The following PARD3B variants were observed in gnomAD, a reference collection of about 807,000 sequenced individuals.
The protein encoded by PARD3B is partitioning defective 3 homolog B.
In PARD3B, 103 loss-of-function variants were observed where a neutral mutation model predicts 130.2. The ratio of observed to expected loss-of-function variants is 0.79; its 90% CI spans 0.67 to 0.93. The LOEUF (loss-of-function observed/expected upper bound fraction) is 0.93. PARD3B is among the 40% of genes least tolerant of loss of function. The probability of loss-of-function intolerance (pLI) is 0.00; values close to 1 mark genes in which losing one functional copy is unlikely to be tolerated. For synonymous variants in PARD3B, 583 were observed against 553.2 expected (o/e 1.05, Z -0.76); for missense variants, 1,609 against 1,499.2 (o/e 1.07, Z -1.21).
intron 2 of PARD3B, among the ~76,000 whole-genome samples, chr2:204,713,733 C>G (rs1441902615): frequency 6.6e-6 from 1 of 152,124 alleles, no homozygotes; most frequent in Non-Finnish European, 1.5e-5. Context: ...TGCCAGGATT[C>G]TCCACCCCCC....
intron 3 of PARD3B, among the ~76,000 whole-genome samples, chr2:204,994,596 C>T (rs1693984344): frequency 6.6e-6 from 1 of 150,828 alleles, no homozygotes; most frequent in African/African-American, 2.4e-5. Context: ...TCTATTAGGT[C>T]CGCTTGGTGC....
chr2:204,997,102 T>G (rs1236534493), intron 3 of PARD3B, among the ~76,000 whole-genome samples: 1 of 152,138 alleles, frequency 6.6e-6, no homozygotes, highest in Non-Finnish European at 1.5e-5. Context: ...TCTTGGCTCC[T>G]CCCCTCCTCA....
chr2:204,860,925 G>C (rs1470780848), intron 2 of PARD3B, among the ~76,000 whole-genome samples: 2 of 152,178 alleles, frequency 1.3e-5, no homozygotes, highest in African/African-American at 4.8e-5. Context: ...ATAATGTACA[G>C]TGAAGTCAGG....
At chr2:205,103,304 CAT>C (rs1163478973) in intron 4 of PARD3B, among the ~76,000 whole-genome samples, 4 of 142,982 alleles carry the variant, frequency 2.8e-5, no homozygotes, top group South Asian at 2.1e-4. Context: ...GTAAAATAAA[CAT>C]ATTTTATATT....
chr2:205,570,508 G>T (rs561741446), intron 22 of PARD3B, among the ~76,000 whole-genome samples: 1 of 152,054 alleles, frequency 6.6e-6, no homozygotes, highest in South Asian at 2.1e-4. Context: ...AATAGTTTTC[G>T]CAAGAAACCT....
intron 4 of PARD3B, among the ~76,000 whole-genome samples, chr2:205,057,772 CGT>C (rs1355221926): frequency 6.7e-6 from 1 of 149,314 alleles, no homozygotes; most frequent in Non-Finnish European, 1.5e-5. Context: ...TATACACACA[CGT>C]GTGTGTGTGT....
At position 205,182,888 on chromosome 2, in the gene PARD3B, CCT is replaced by C. The variant is rs144827835; in HGVS notation, c.1925-2872_1925-2871del. Among the ~76,000 whole-genome samples the C allele has an allele frequency of 2.1e-3, 317 of 152,090 alleles. 2 individuals carry two copies. The highest frequency in any genetic ancestry group is 7.3e-3 in the African/African-American group (304 of 41,486). On this transcript the variant is annotated intron_variant, in intron 13 of 22. Transcript: ENST00000406610. ...GGAAGAGAGAGTGAGGAAGCTGCAC[CCT>C]CTCATAACCACTGAGACTGGGAATG...
intron 2 of PARD3B, among the ~76,000 whole-genome samples, chr2:204,937,895 G>A (rs1319362454): frequency 1.3e-5 from 2 of 152,180 alleles, no homozygotes; most frequent in African/African-American, 2.4e-5. Flanking sequence ...TAACAGGATT[G>A]TCTTCGGGGA....
At position 204,799,235 on chromosome 2, in the gene PARD3B, T is replaced by C. The variant is rs1337877437; in HGVS notation, c.222+112953T>C. Among the ~76,000 whole-genome samples, 1 of 152,144 alleles carries C rather than the reference T, an allele frequency of 6.6e-6. No homozygotes were observed. Among genetic ancestry groups the C allele is most frequent in the African/African-American group, 2.4e-5 (1 of 41,446 alleles). ...GGGAACATCTGCAGTAGCCAGGCAG[T>C]ACTTGCCCTGGGCCTGGGTCGCTGG... is the stretch of plus-strand genomic sequence containing the variant. On this transcript the variant is annotated intron_variant, in intron 2 of 22. Coordinates refer to ENST00000406610, the MANE Select transcript of PARD3B (RefSeq NM_001302769.2). The surrounding 1 kb of genome is among the most constrained non-coding windows in gnomAD (Gnocchi z 4.1).
intron 2 of PARD3B, among the ~76,000 whole-genome samples, chr2:204,805,149 G>GT (rs1332689498): frequency 1.3e-5 from 2 of 152,016 alleles, no homozygotes; most frequent in Non-Finnish European, 2.9e-5. Flanking sequence ...CAAAAAGTTG[G>GT]TTTTTTGAAA....
At chr2:205,068,405 G>T (rs1700518368) in intron 4 of PARD3B, among the ~76,000 whole-genome samples, 1 of 151,708 alleles carries the variant, frequency 6.6e-6, no homozygotes, top group Non-Finnish European at 1.5e-5. Context: ...TTTCTCTTTG[G>T]TTAATCTTAG....
chr2:205,060,768 T>C (rs1559400781), intron 4 of PARD3B, among the ~76,000 whole-genome samples: 1 of 152,190 alleles, frequency 6.6e-6, no homozygotes, highest in Non-Finnish European at 1.5e-5. Context: ...TTTAAATTAA[T>C]ATGCATACAT....
At chr2:205,090,148 C>A (rs976094303) in intron 4 of PARD3B, among the ~76,000 whole-genome samples, 1 of 152,152 alleles carries the variant, frequency 6.6e-6, no homozygotes, top group Non-Finnish European at 1.5e-5. Flanking sequence ...TTCTGTGCAA[C>A]CCTGGGAGTT....
chr2:204,589,251 A>G (rs1025545581), intron 1 of PARD3B, among the ~76,000 whole-genome samples: 47 of 152,156 alleles, frequency 3.1e-4, no homozygotes, highest in African/African-American at 1.1e-3. Flanking sequence ...ATGGGAAGGG[A>G]GGGGACAGTG....
At chr2:204,759,000 C>A (rs1462946440) in intron 2 of PARD3B, among the ~76,000 whole-genome samples, 2 of 152,138 alleles carry the variant, frequency 1.3e-5, no homozygotes, top group African/African-American at 4.8e-5. Context: ...CCTTCTGTGT[C>A]TGTGTCACTT....
At chr2:205,335,236 A>G (rs2043269562) in intron 18 of PARD3B, among the ~76,000 whole-genome samples, 1 of 152,182 alleles carries the variant, frequency 6.6e-6, no homozygotes, top group Non-Finnish European at 1.5e-5. Context: ...TCAATTCCAA[A>G]CAGTTATGCC....
chr2:204,819,645 G>T (rs1355093843), intron 2 of PARD3B, among the ~76,000 whole-genome samples: 1 of 152,092 alleles, frequency 6.6e-6, no homozygotes, highest in African/African-American at 2.4e-5. Flanking sequence ...GCTAAGATAG[G>T]CCCAAAAGCT....
Position 205,121,678 on chromosome 2 carries a change from G to A in PARD3B, c.894G>A (p.Lys298=), listed in dbSNP as rs894868926. Residue 298 remains lysine (K), a synonymous_variant, in exon 8 of 23, where the codon AAG becomes AAA. Coordinates refer to ENST00000406610, the MANE Select transcript of PARD3B (RefSeq NM_001302769.2). The surrounding 1 kb of genome is among the most constrained non-coding windows in gnomAD (Gnocchi z 5.0). ...CACAAAACCGTGAACAGTATGAAAA[G>A]TCAGTCATTGGCTCTCTTAACATTT... The part of the protein sequence containing the change: ...LPPQNREQYE[K]SVIGSLNIFG... 7 of 1,614,040 alleles carry A rather than the reference G, an allele frequency of 4.3e-6. No homozygotes were observed. The highest frequency in any genetic ancestry group is 5.9e-6 in the Non-Finnish European group (7 of 1,180,038).
chr2:205,529,675 C>T (rs1056969298), intron 21 of PARD3B, among the ~76,000 whole-genome samples: 11 of 152,122 alleles, frequency 7.2e-5, no homozygotes, highest in East Asian at 1.9e-4. Context: ...GCTTTTTGGA[C>T]ATGCCATTAG....
Sources: allele counts gnomAD v4.1 joint callset (sites outside exome capture counted in the v4.1 genomes callset), GRCh38; gene constraint gnomAD v4.1.1; non-coding constraint Gnocchi (gnomAD v3.1); transcripts MANE v1.5; gene names NCBI Gene and HGNC (gene_info 2026-07-23, HGNC 2026-07-21).